Variants in SNRPC observed in about 807,000 individuals in gnomAD.
SNRPC encodes U1 small nuclear ribonucleoprotein C.
Under a neutral mutation model 20.0 loss-of-function variants are expected in SNRPC, and 5 were observed. The ratio of observed to expected loss-of-function variants is 0.25; its 90% CI spans 0.13 to 0.53. SNRPC has a LOEUF of 0.53. SNRPC is among the 20% of genes least tolerant of loss of function. The pLI, the probability that SNRPC is intolerant of heterozygous loss-of-function variation, is 0.96. For synonymous variants in SNRPC, 61 were observed against 58.7 expected (o/e 1.04, Z -0.18); for missense variants, 112 against 224.1 (o/e 0.50, Z 3.19).
At chr6:34,769,878 T>G (rs932422308) in intron 4 of SNRPC, among the ~76,000 whole-genome samples, 1 of 152,198 alleles carries the variant, frequency 6.6e-6, no homozygotes, top group African/African-American at 2.4e-5. Flanking sequence ...ATAAGAGGGT[T>G]GTTGTTTCAG....
At chr6:34,761,679 C>T (rs890279646) in intron 2 of SNRPC, among the ~76,000 whole-genome samples, 2 of 151,334 alleles carry the variant, frequency 1.3e-5, no homozygotes, top group African/African-American at 2.4e-5. Flanking sequence ...CGCCACCATA[C>T]TTTTTTGTAT....
At chr6:34,762,021 G>A (rs1169530677) in intron 2 of SNRPC, among the ~76,000 whole-genome samples, 1 of 152,120 alleles carries the variant, frequency 6.6e-6, no homozygotes, top group Non-Finnish European at 1.5e-5. Context: ...AAATAAATGT[G>A]CTGGGCTCTG....
chr6:34,771,938 A>C (rs550532554), intron 5 of SNRPC, among the ~76,000 whole-genome samples: 25 of 152,376 alleles, frequency 1.6e-4, no homozygotes, highest in African/African-American at 5.3e-4. Context: ...TGCATGATTC[A>C]TCTAAAGAAG....
chr6:34,773,341 C>A lies in SNRPC; in HGVS notation c.356-105C>A. 1 of 948,406 alleles carries A rather than the reference C, an allele frequency of 1.1e-6. No homozygotes were observed. The highest frequency in any genetic ancestry group is 1.6e-6 in the Non-Finnish European group (1 of 644,980). The allele number at this position is 948,406 out of a possible 1,614,324, so 58.7% of individuals were successfully genotyped here. Reference sequence around the variant, plus strand: ...CGTGTGTCTTTTTTCCAGCATTTTGCAAGGGGGGCTACGTTTTTTGTTTTT... The same window carrying A: ...CGTGTGTCTTTTTTCCAGCATTTTGAAAGGGGGGCTACGTTTTTTGTTTTT... On this transcript the variant is annotated intron_variant, in intron 5 of 5. Transcript: ENST00000244520. This position sits in a 1 kb window ranked among gnomAD's most constrained non-coding sequence, Gnocchi z 4.1.
At position 34,757,517 on chromosome 6, in the gene SNRPC, G is replaced by A; in HGVS notation, c.-27G>A. 6.2e-7 allele frequency: 1 copy of A among 1,612,612 alleles called. No homozygotes were observed. Among genetic ancestry groups the A allele is most frequent in the Non-Finnish European group, 8.5e-7 (1 of 1,178,652 alleles). ...GCGTCATTTCCGGGCGTCACGTAAC[G>A]GAGTGGCCAACGGCCTGCAGAGCAA... On this transcript the variant is annotated 5_prime_UTR_variant, in exon 1 of 6. Coordinates refer to ENST00000244520, the MANE Select transcript of SNRPC (RefSeq NM_003093.3).
intron 5 of SNRPC, among the ~76,000 whole-genome samples, chr6:34,771,091 G>T (rs569173746): frequency 2.0e-5 from 3 of 152,254 alleles, no homozygotes; most frequent in Non-Finnish European, 4.4e-5. Flanking sequence ...CACTTTGGGA[G>T]GCCAAGGCAG....
At chr6:34,770,897 A>C (rs972462661) in intron 5 of SNRPC, among the ~76,000 whole-genome samples, 11 of 152,244 alleles carry the variant, frequency 7.2e-5, no homozygotes, top group Non-Finnish European at 1.2e-4. Context: ...TTATATTAAA[A>C]AGGCTTTCAG....
chr6:34,773,331 C>T lies in SNRPC; in HGVS notation c.356-115C>T. 6.1e-6 allele frequency: 5 copies of T among 821,892 alleles called. No homozygotes were observed. The highest frequency in any genetic ancestry group is 1.9e-5 in the South Asian group (1 of 52,624). The allele number at this position is 821,892 out of a possible 1,614,324, so 50.9% of individuals were successfully genotyped here. On this transcript the variant is annotated intron_variant, in intron 5 of 5. Transcript: ENST00000244520. The surrounding 1 kb of genome is among the most constrained non-coding windows in gnomAD (Gnocchi z 4.1). ...TCTTCTGTCACGTGTGTCTTTTTTC[C>T]AGCATTTTGCAAGGGGGGCTACGTT...
chr6:34,757,657 G>C lies in SNRPC; in HGVS notation c.8+106G>C, dbSNP rs559344934. On this transcript the variant is annotated intron_variant, in intron 1 of 5. Transcript: ENST00000244520. Reference sequence around the variant, plus strand: ...TTCTGAAACCTCGAGGGATGGGAGAGTATCTGGGCCGGGTGGACGGAGGCA... The same window carrying C: ...TTCTGAAACCTCGAGGGATGGGAGACTATCTGGGCCGGGTGGACGGAGGCA... 288 of 1,397,780 alleles carry C rather than the reference G, an allele frequency of 2.1e-4. 2 individuals are homozygous for C. In the South Asian group the frequency reaches 3.3e-3, roughly 16 times the overall value. The allele number at this position is 1,397,780 out of a possible 1,614,324, so 86.6% of individuals were successfully genotyped here. A position where few individuals can be genotyped will look rare whatever the true frequency, so the allele number is the denominator to read the frequency against.
intron 2 of SNRPC, among the ~76,000 whole-genome samples, chr6:34,761,513 ATTTTT>A (rs869059984): frequency 2.3e-5 from 2 of 85,644 alleles, no homozygotes; most frequent in African/African-American, 5.2e-5. Flanking sequence ...ACAAGGAACA[ATTTTT>A]TTTTTTTTTT....
chr6:34,769,229 CTTT>C (rs11408407), intron 4 of SNRPC, among the ~76,000 whole-genome samples: 4 of 129,122 alleles, frequency 3.1e-5, no homozygotes, highest in Admixed American at 8.0e-5. Context: ...TTCTTTCTTT[CTTT>C]TTTTTTTTTT....
At chr6:34,762,784 C>T in intron 3 of SNRPC, 81 bp downstream of exon 3, 1 of 728,606 alleles carries the variant, frequency 1.4e-6, no homozygotes, top group Middle Eastern at 2.3e-4. Flanking sequence ...TTCACAGAGG[C>T]AACTCATTCT....
chr6:34,770,116 G>C (rs1288314725), intron 4 of SNRPC, among the ~76,000 whole-genome samples, 175 bp from the exon 5 acceptor site: 2 of 152,248 alleles, frequency 1.3e-5, no homozygotes, highest in African/African-American at 4.8e-5. Context: ...CAGCTACTTG[G>C]GAGGCTGAGG....
rs747624145 is a variant in SNRPC, at chr6:34,773,461, C to T, written c.371C>T (p.Pro124Leu). The change falls in exon 6 of 6, where the codon CCG (proline) becomes CTG (leucine). Residue 124 changes from proline (P) to leucine (L), a missense_variant. Pro to Leu is a moderately conservative substitution (Grantham distance 98). This residue lies in a region of SNRPC where 57 missense variants were observed against 121.0 expected (regional missense o/e 0.47). Transcript: ENST00000244520. This position sits in a 1 kb window ranked among gnomAD's most constrained non-coding sequence, Gnocchi z 4.1. ...TGTCCTGCAGCTCCTGGAATGAGGC[C>T]GCCCATGGGAGGCCATATGCCAATG... ...MPVGPAPGMR[P>L]PMGGHMPMMP... is the part of the protein sequence containing the mutation. 3.1e-6 allele frequency: 5 copies of T among 1,613,710 alleles called. No homozygotes were observed. Among genetic ancestry groups the T allele is most frequent in the East Asian group, 2.2e-5 (1 of 44,888 alleles).
intron 1 of SNRPC, 90 bp downstream of exon 1, chr6:34,757,641 C>G: frequency 3.5e-6 from 5 of 1,443,256 alleles, no homozygotes; most frequent in Non-Finnish European, 4.9e-6. Flanking sequence ...TTTCTGAAAC[C>G]TCGAGGGATG....
At chr6:34,759,442 C>T (rs1764504601) in intron 2 of SNRPC, among the ~76,000 whole-genome samples, 1 of 152,196 alleles carries the variant, frequency 6.6e-6, no homozygotes, top group Non-Finnish European at 1.5e-5. Context: ...GCCTGCTTTT[C>T]CTTGAAAGAG....
chr6:34,770,026 C>G (rs1764666705), intron 4 of SNRPC, among the ~76,000 whole-genome samples: 1 of 152,138 alleles, frequency 6.6e-6, no homozygotes, highest in Admixed American at 6.6e-5. Flanking sequence ...AGTTCAGGAC[C>G]AGCCTGACCA....
Position 34,773,423 on chromosome 6 carries a change from C to G in SNRPC, c.356-23C>G. 1 of 1,607,156 alleles carries G rather than the reference C, an allele frequency of 6.2e-7. No individual in the cohort carries two copies. The highest frequency in any genetic ancestry group is 8.5e-7 in the Non-Finnish European group (1 of 1,176,290). On this transcript the variant is annotated intron_variant, in intron 5 of 5. Coordinates refer to ENST00000244520, the MANE Select transcript of SNRPC (RefSeq NM_003093.3). This position sits in a 1 kb window ranked among gnomAD's most constrained non-coding sequence, Gnocchi z 4.1. Reference sequence around the variant, plus strand: ...GTATTTTCTGACTCCCTTTTTCTCCCTCTTCTTTGTTTTGTCCTGCAGCTC... The same window carrying G: ...GTATTTTCTGACTCCCTTTTTCTCCGTCTTCTTTGTTTTGTCCTGCAGCTC...
At position 34,773,820 on chromosome 6, in the gene SNRPC, G is replaced by C. The variant is rs1047675505; in HGVS notation, c.*250G>C. 4.0e-5 allele frequency: 13 copies of C among 324,186 alleles called. No homozygotes were observed. The highest frequency in any genetic ancestry group is 8.6e-5 in the Admixed American group (2 of 23,248). 20.1% of individuals were successfully genotyped at this position (324,186 alleles called of 1,614,324 possible). On this transcript the variant is annotated 3_prime_UTR_variant, in exon 6 of 6. Coordinates refer to ENST00000244520, the MANE Select transcript of SNRPC (RefSeq NM_003093.3). The surrounding 1 kb of genome is among the most constrained non-coding windows in gnomAD (Gnocchi z 4.1). ...GTGTGTTCCCTTTTTCCTCCTCTCT[G>C]TGTTCTCTGTGTATTATAAAAGAAA...
Sources: allele counts gnomAD v4.1 joint callset (sites outside exome capture counted in the v4.1 genomes callset), GRCh38; gene constraint gnomAD v4.1.1; regional missense constraint gnomAD v4.1.1; non-coding constraint Gnocchi (gnomAD v3.1); transcripts MANE v1.5; gene names NCBI Gene and HGNC (gene_info 2026-07-23, HGNC 2026-07-21).